Variants in RABEP1 observed in about 807,000 individuals in gnomAD.
RABEP1 encodes rabaptin, RAB GTPase binding effector protein 1.
Under a neutral mutation model 123.4 loss-of-function variants are expected in RABEP1, and 51 were observed. The ratio of observed to expected loss-of-function variants is 0.41; its 90% CI spans 0.33 to 0.52. RABEP1 has a LOEUF of 0.52. Ranked by LOEUF, RABEP1 falls within the 20% of genes least tolerant of loss-of-function variation. The pLI, the probability that RABEP1 is intolerant of heterozygous loss-of-function variation, is 0.16. For synonymous variants in RABEP1, 347 were observed against 355.2 expected (o/e 0.98, Z 0.26); for missense variants, 888 against 996.3 (o/e 0.89, Z 1.46).
At chr17:5,306,872 C>T (rs1169813931) in intron 1 of RABEP1, among the ~76,000 whole-genome samples, 1 of 151,958 alleles carries the variant, frequency 6.6e-6, no homozygotes, top group African/African-American at 2.4e-5. Context: ...TTATTGAATC[C>T]TCTAGTGAAA....
chr17:5,360,335 G>A (rs372579731), intron 8 of RABEP1, among the ~76,000 whole-genome samples: 6 of 152,224 alleles, frequency 3.9e-5, no homozygotes, highest in African/African-American at 9.6e-5. Context: ...GGCTGAGGTC[G>A]GGGGATCACG....
chr17:5,359,116 C>G (rs1426023798), intron 8 of RABEP1, among the ~76,000 whole-genome samples: 2 of 151,804 alleles, frequency 1.3e-5, no homozygotes, highest in African/African-American at 4.8e-5. Context: ...CTCTGTTGCC[C>G]AGGCTGGAGT....
chr17:5,343,670 C>CTTTTTTTTTTTTT lies in RABEP1; in HGVS notation c.649-3109_649-3097dup, dbSNP rs753410845. ...AAAAAGATTTCTTTCTTTCTTTTCT[C>CTTTTTTTTTTTTT]TTTTTTTTTTTTTTTTTTTTTTTGA... is the stretch of plus-strand genomic sequence containing the variant. On this transcript the variant is annotated intron_variant, in intron 5 of 17. Coordinates refer to ENST00000537505, the MANE Select transcript of RABEP1 (RefSeq NM_004703.6). Among the ~76,000 whole-genome samples, 13 of 99,952 alleles carry CTTTTTTTTTTTTT rather than the reference C, an allele frequency of 1.3e-4. 1 individual carries two copies. The highest frequency in any genetic ancestry group is 1.9e-4 in the African/African-American group (5 of 25,702). 65.6% of individuals were successfully genotyped at this position (99,952 alleles called of 152,430 possible).
At chr17:5,363,509 C>T (rs1018114541) in intron 10 of RABEP1, among the ~76,000 whole-genome samples, 3 of 152,040 alleles carry the variant, frequency 2.0e-5, no homozygotes, top group African/African-American at 2.4e-5. Context: ...TGAGCCACCG[C>T]GCTCGGCCAG....
At chr17:5,371,421 G>A (rs1042519867) in intron 12 of RABEP1, 4 of 152,048 alleles carry the variant, frequency 2.6e-5, no homozygotes, top group East Asian at 1.9e-4. Context: ...ACTCTTATAC[G>A]TAATTATTTT....
At position 5,368,358 on chromosome 17, in the gene RABEP1, G is replaced by T. The variant is rs1473671182; in HGVS notation, c.1786-12G>T. 6.3e-7 allele frequency: 1 copy of T among 1,582,058 alleles called. No individual in the cohort carries two copies. The highest frequency in any genetic ancestry group is 2.2e-5 in the East Asian group (1 of 44,720). ...TTCCTAACTATGTTTCTATACATGT[G>T]TTTTTTTAAAGATCTCTGCACTCGT... On this transcript the variant is annotated splice_polypyrimidine_tract_variant and intron_variant, in intron 11 of 17. Coordinates refer to ENST00000537505, the MANE Select transcript of RABEP1 (RefSeq NM_004703.6).
At chr17:5,369,128 CTTA>C in intron 12 of RABEP1, among the ~76,000 whole-genome samples, 2 of 151,946 alleles carry the variant, frequency 1.3e-5, no homozygotes, top group Admixed American at 1.3e-4. Flanking sequence ...AAAAAATAAC[CTTA>C]TTAGTTTCAC....
At chr17:5,312,396 C>G (rs1348969388) in intron 2 of RABEP1, among the ~76,000 whole-genome samples, 2 of 152,146 alleles carry the variant, frequency 1.3e-5, no homozygotes, top group African/African-American at 4.8e-5. Flanking sequence ...AATGATCTGC[C>G]CGCCTCAGCC....
At chr17:5,338,533 A>T (rs1373747399) in intron 5 of RABEP1, among the ~76,000 whole-genome samples, 1 of 152,178 alleles carries the variant, frequency 6.6e-6, no homozygotes, top group East Asian at 1.9e-4. Flanking sequence ...GTGCCTTTGC[A>T]CTCCGGCCTG....
intron 5 of RABEP1, among the ~76,000 whole-genome samples, chr17:5,342,887 A>C (rs994382850): frequency 4.6e-5 from 7 of 152,244 alleles, no homozygotes; most frequent in African/African-American, 1.4e-4. Context: ...GAAAGCCCAG[A>C]AACAGACCTA....
chr17:5,380,184 T>G (rs760617653), intron 15 of RABEP1, among the ~76,000 whole-genome samples, 180 bp from the exon 16 acceptor site: 1 of 152,196 alleles, frequency 6.6e-6, no homozygotes, highest in Admixed American at 6.5e-5. Context: ...TAATAATGGT[T>G]AATGAAAGAA....
intron 3 of RABEP1, among the ~76,000 whole-genome samples, chr17:5,333,082 C>T (rs950768203): frequency 6.6e-6 from 1 of 152,152 alleles, no homozygotes; most frequent in African/African-American, 2.4e-5. Context: ...TGAATTACTT[C>T]CCAAATTTCT....
chr17:5,354,315 A>G (rs776617500), intron 7 of RABEP1, 44 bp from the exon 8 acceptor site: 1 of 1,535,260 alleles, frequency 6.5e-7, no homozygotes, highest in Non-Finnish European at 8.8e-7. Flanking sequence ...TCACTTATTA[A>G]GTAGGTTACT....
rs1024130209 is a variant in RABEP1, at chr17:5,385,628, G to C, written c.*2405G>C. 4.3e-6 allele frequency: 1 copy of C among 231,062 alleles called. No individual in the cohort carries two copies. The highest frequency in any genetic ancestry group is 8.6e-6 in the Non-Finnish European group (1 of 116,876). The allele number at this position is 231,062 out of a possible 1,614,324, so 14.3% of individuals were successfully genotyped here. On this transcript the variant is annotated 3_prime_UTR_variant, in exon 18 of 18. Transcript: ENST00000537505. ...TCAGTAACAAGTATTGGGACGTAGA[G>C]CACAGCCTCACTCAGCTCTGAAAGG... is the stretch of plus-strand genomic sequence containing the variant.
At chr17:5,285,262 T>C (rs2074966164) in intron 1 of RABEP1, among the ~76,000 whole-genome samples, 1 of 152,052 alleles carries the variant, frequency 6.6e-6, no homozygotes, top group African/African-American at 2.4e-5. Context: ...ACTATATCTT[T>C]GAAGCATTTG....
intron 1 of RABEP1, among the ~76,000 whole-genome samples, chr17:5,299,193 T>C (rs1333510369): frequency 5.3e-5 from 8 of 152,202 alleles, no homozygotes; most frequent in Non-Finnish European, 1.0e-4. Context: ...TTTTGGCCAG[T>C]GTGTGGCCTC....
chr17:5,332,190 G>A, intron 3 of RABEP1, 38 bp downstream of exon 3: 1 of 1,559,502 alleles, frequency 6.4e-7, no homozygotes, highest in Non-Finnish European at 8.8e-7. Flanking sequence ...GATTTTCTAA[G>A]ATATCCGATT....
intron 1 of RABEP1, among the ~76,000 whole-genome samples, chr17:5,296,503 C>T (rs1019464685): frequency 6.6e-6 from 1 of 152,120 alleles, no homozygotes; most frequent in Non-Finnish European, 1.5e-5. Context: ...TCAGGTAATC[C>T]ACCCGCCTTG....
chr17:5,377,059 C>CTTCT, intron 13 of RABEP1, 57 bp from the exon 14 acceptor site: 1 of 1,492,074 alleles, frequency 6.7e-7, no homozygotes, highest in Non-Finnish European at 9.0e-7. Context: ...AAATCTTTAG[C>CTTCT]TTCTTTATTT....
Sources: allele counts gnomAD v4.1 joint callset (sites outside exome capture counted in the v4.1 genomes callset), GRCh38; gene constraint gnomAD v4.1.1; transcripts MANE v1.5; gene names NCBI Gene and HGNC (gene_info 2026-07-23, HGNC 2026-07-21).